The following FARP2 variants were observed in gnomAD, a reference collection of about 807,000 sequenced individuals.
FARP2 encodes the protein FERM, ARHGEF and pleckstrin domain-containing protein 2.
A neutral mutation model predicts 130.5 loss-of-function variants in FARP2; 111 were observed. The ratio of observed to expected loss-of-function variants is 0.85; its 90% CI spans 0.73 to 1.00. The LOEUF is 1.00. Among genes scored for constraint, FARP2 ranks in the 50% least tolerant of loss-of-function variants. The pLI, the probability that FARP2 is intolerant of heterozygous loss-of-function variation, is 0.00. For synonymous variants in FARP2, 504 were observed against 516.9 expected, an observed-to-expected ratio of 0.98 and a Z score of 0.34; for missense variants, 1,385 against 1,346.3, an observed-to-expected ratio of 1.03 and a Z score of -0.45.
intron 21 of FARP2, among the ~76,000 whole-genome samples, chr2:241,487,459 G>C (rs1379128430): frequency 6.6e-6 from 1 of 152,030 alleles, no homozygotes. Context: ...CCTAAGGTCA[G>C]GAGTTTAAGA....
chr2:241,445,437 C>T (rs2063490804), intron 13 of FARP2: 1 of 152,134 alleles, frequency 6.6e-6, no homozygotes, highest in African/African-American at 2.4e-5. Flanking sequence ...TCTGTCTTTC[C>T]ACTTGTAACA....
intron 1 of FARP2, among the ~76,000 whole-genome samples, chr2:241,371,375 G>A (rs775754791): frequency 2.0e-5 from 3 of 152,172 alleles, no homozygotes; most frequent in Admixed American, 6.5e-5. Flanking sequence ...TCCCAGCTAC[G>A]CCAGAGGCTG....
chr2:241,422,978 T>A (rs1438444425), intron 8 of FARP2, among the ~76,000 whole-genome samples: 1 of 152,076 alleles, frequency 6.6e-6, no homozygotes, highest in Non-Finnish European at 1.5e-5. Context: ...AGACCAAACC[T>A]ATAACTGATT....
rs542799323 is a variant in FARP2, at chr2:241,474,807, A to T, written c.2132-1050A>T. On this transcript the variant is annotated intron_variant, in intron 18 of 26. Transcript: ENST00000264042. ...ACCCTGTCTCTAATAATAATAATAA[A>T]TAAATAAATAAATAAATAAATAAAT... Among the ~76,000 whole-genome samples, 82 of 108,546 alleles carry T rather than the reference A, an allele frequency of 7.6e-4. No individual in the cohort carries two copies. The East Asian group carries it at 0.02, about 26-fold the overall frequency. The allele number at this position is 108,546 out of a possible 152,430, so 71.2% of individuals were successfully genotyped here. A position where few individuals can be genotyped will look rare whatever the true frequency, so the allele number is the denominator to read the frequency against.
chr2:241,477,569 G>A (rs1212574227), intron 19 of FARP2, among the ~76,000 whole-genome samples: 1 of 152,192 alleles, frequency 6.6e-6, no homozygotes, highest in Non-Finnish European at 1.5e-5. Flanking sequence ...CAAGTTTTGT[G>A]TGGACTTATG....
intron 5 of FARP2, 38 bp downstream of exon 5, chr2:241,407,653 A>T (rs1365203390): frequency 2.7e-6 from 4 of 1,480,704 alleles, no homozygotes; most frequent in Middle Eastern, 1.7e-4. Context: ...TGTCAGCAGG[A>T]ATCTTGTATT....
chr2:241,456,876 G>C lies in FARP2; in HGVS notation c.1541G>C (p.Ser514Thr), dbSNP rs2063857208. 6.2e-7 allele frequency: 1 copy of C among 1,611,358 alleles called. No homozygotes were observed. Among genetic ancestry groups the C allele is most frequent in the African/African-American group, 1.3e-5 (1 of 74,930 alleles). Reference protein sequence around the residue: ...GSSPLLSPVLSDAGGAGMDCE... With the variant: ...GSSPLLSPVLTDAGGAGMDCE... ...TCCCCACTCCTGAGCCCTGTCCTCA[G>C]TGATGCTGGCGGAGCCGGGATGGAC... Residue 514 changes from serine to threonine, a missense_variant, in exon 14 of 27, where the codon AGT becomes ACT. Transcript: ENST00000264042.
chr2:241,483,228 C>T (rs1346902705), intron 19 of FARP2, among the ~76,000 whole-genome samples: 1 of 152,242 alleles, frequency 6.6e-6, no homozygotes, highest in Non-Finnish European at 1.5e-5. Flanking sequence ...TAGCCCAGAG[C>T]AGGTGCTCAG....
intron 2 of FARP2, among the ~76,000 whole-genome samples, chr2:241,376,160 C>G (rs923556556): frequency 3.3e-5 from 5 of 152,148 alleles, no homozygotes; most frequent in African/African-American, 1.2e-4. Context: ...GTTGGAACCT[C>G]ATGTGCAGAA....
chr2:241,401,290 G>A (rs2062160655), intron 2 of FARP2, among the ~76,000 whole-genome samples: 1 of 152,192 alleles, frequency 6.6e-6, no homozygotes, highest in Non-Finnish European at 1.5e-5. Flanking sequence ...TAATTGTGAA[G>A]ATGATATATG....
intron 2 of FARP2, among the ~76,000 whole-genome samples, chr2:241,391,138 A>C (rs2061895090): frequency 6.6e-6 from 1 of 152,230 alleles, no homozygotes; most frequent in South Asian, 2.1e-4. Context: ...AGAAGAAAGA[A>C]AGGAATTGCT....
At position 241,428,119 on chromosome 2, in the gene FARP2, C is replaced by G. The variant is rs1330959889; in HGVS notation, c.772-3560C>G. 2.0e-5 allele frequency among the ~76,000 whole-genome samples: 3 copies of G among 152,004 alleles called. No individual in the cohort carries two copies. The South Asian group carries it at 6.2e-4, about 32-fold the overall frequency. On this transcript the variant is annotated intron_variant, in intron 8 of 26. Coordinates refer to ENST00000264042, the MANE Select transcript of FARP2 (RefSeq NM_014808.4). ...CTGGATATATAAATAATATCTAGAA[C>G]TGGGGCTATGGGGATTTTGTTTCCT...
chr2:241,396,588 C>T (rs2062034997), intron 2 of FARP2, among the ~76,000 whole-genome samples: 1 of 152,188 alleles, frequency 6.6e-6, no homozygotes, highest in Non-Finnish European at 1.5e-5. Flanking sequence ...AAAAAATGCT[C>T]ATCATCACTG....
rs887356638 is a variant in FARP2 at position 241,429,895 on chromosome 2, C to T, written c.772-1784C>T. ...CCCAGGAGTTTGAGACTCCTTATCT[C>T]TTAAGGAAAGAAAGGTTACTTTTTG... On this transcript the variant is annotated intron_variant, in intron 8 of 26. Transcript: ENST00000264042. Among the ~76,000 whole-genome samples, 3 of 152,320 alleles carry T rather than the reference C, an allele frequency of 2.0e-5. No individual in the cohort carries two copies. In the East Asian group the frequency reaches 5.8e-4, roughly 29 times the overall value.
rs375470303 is a variant in FARP2 at position 241,494,133 on chromosome 2, C to T, written c.*8C>T. 65 of 1,458,196 alleles carry T rather than the reference C, an allele frequency of 4.5e-5. No homozygotes were observed. The highest frequency in any genetic ancestry group is 5.6e-5 in the Non-Finnish European group (62 of 1,103,240). The allele number at this position is 1,458,196 out of a possible 1,614,324, so 90.3% of individuals were successfully genotyped here. A position where few individuals can be genotyped will look rare whatever the true frequency, so the allele number is the denominator to read the frequency against. On this transcript the variant is annotated 3_prime_UTR_variant, in exon 27 of 27. Coordinates refer to ENST00000264042, the MANE Select transcript of FARP2 (RefSeq NM_014808.4). This position sits in a 1 kb window ranked among gnomAD's most constrained non-coding sequence, Gnocchi z 4.9. ...AGGGGGAAGGAGGAATGACGCTCAACCTGCCCAGGTTTGGACACAACTACA... is the reference window on the plus strand; with the variant it reads ...AGGGGGAAGGAGGAATGACGCTCAATCTGCCCAGGTTTGGACACAACTACA...
chr2:241,373,260 G>A lies in FARP2; in HGVS notation c.153G>A (p.Leu51=). 2 of 1,506,506 alleles carry A rather than the reference G, an allele frequency of 1.3e-6. No homozygotes were observed. The highest frequency in any genetic ancestry group is 1.4e-5 in the African/African-American group (1 of 70,850). 93.3% of individuals were successfully genotyped at this position (1,506,506 alleles called of 1,614,324 possible). A position where few individuals can be genotyped will look rare whatever the true frequency, so the allele number is the denominator to read the frequency against. Residue 51 remains leucine, a synonymous_variant, in exon 2 of 27, where the codon CTG becomes CTA. Transcript: ENST00000264042. ...EKHLHLRVKL[L]DNTMEIFDIE... Reference sequence around the variant, plus strand: ...ACCTGCACCTCAGAGTAAAGCTGCTGGACAACACCATGGAAATATTTGACA... The same window carrying A: ...ACCTGCACCTCAGAGTAAAGCTGCTAGACAACACCATGGAAATATTTGACA...
At chr2:241,418,934 A>G (rs1050184532) in intron 8 of FARP2, among the ~76,000 whole-genome samples, 1 of 151,974 alleles carries the variant, frequency 6.6e-6, no homozygotes, top group Non-Finnish European at 1.5e-5. Flanking sequence ...AAAATTTTGC[A>G]CCTCTGATAG....
At chr2:241,413,257 A>G (rs983734848) in intron 6 of FARP2, 50 bp from the exon 7 acceptor site, 3 of 1,167,742 alleles carry the variant, frequency 2.6e-6, no homozygotes, top group African/African-American at 3.1e-5. Context: ...ACACATACAA[A>G]TGCTTGTAGT....
At chr2:241,460,160 C>T (rs1178529928) in intron 14 of FARP2, among the ~76,000 whole-genome samples, 2 of 152,248 alleles carry the variant, frequency 1.3e-5, no homozygotes, top group Non-Finnish European at 2.9e-5. Context: ...TAACATGTAA[C>T]ATCCCTGTCC....
Sources: gnomAD v4.1 joint callset for allele counts (sites outside exome capture counted in the v4.1 genomes callset) on GRCh38, gnomAD v4.1.1 for gene constraint, Gnocchi (gnomAD v3.1) non-coding constraint, MANE v1.5 for transcripts, NCBI Gene and HGNC (gene_info 2026-07-23, HGNC 2026-07-21) for gene names.